Variants in SORCS1 observed in about 807,000 individuals in gnomAD.
SORCS1 encodes the protein VPS10 domain-containing receptor SorCS1.
In SORCS1, 60 loss-of-function variants were observed where a neutral mutation model predicts 146.1. The observed-to-expected ratio is 0.41, with a 90% CI of 0.33 to 0.51. SORCS1 has a LOEUF of 0.51. Among genes scored for constraint, SORCS1 ranks in the 20% least tolerant of loss-of-function variants. The pLI is 0.21. For missense variants in SORCS1, 1,352 were observed against 1,487.6 expected (o/e 0.91, Z 1.50); for synonymous variants, 637 against 584.0 (o/e 1.09, Z -1.31).
intron 24 of SORCS1, among the ~76,000 whole-genome samples, chr10:106,586,262 C>T (rs1318434934): frequency 6.6e-6 from 1 of 152,176 alleles, no homozygotes; most frequent in Non-Finnish European, 1.5e-5. Context: ...AAAGGGGGCG[C>T]TATTAAAGCT....
intron 6 of SORCS1, among the ~76,000 whole-genome samples, chr10:106,711,760 G>A (rs902777353): frequency 2.6e-5 from 4 of 152,138 alleles, no homozygotes; most frequent in Non-Finnish European, 5.9e-5. Flanking sequence ...TTTCACGTTA[G>A]AGCAGAACAC....
chr10:107,061,014 A>C (rs1961164455), intron 1 of SORCS1, among the ~76,000 whole-genome samples: 1 of 152,204 alleles, frequency 6.6e-6, no homozygotes, highest in Admixed American at 6.5e-5. Context: ...CTATGAGTAA[A>C]AAATAACAGT....
intron 3 of SORCS1, 33 bp from the exon 4 acceptor site, chr10:106,776,725 C>G (rs756632908): frequency 6.3e-7 from 1 of 1,588,094 alleles, no homozygotes; most frequent in East Asian, 2.3e-5. Flanking sequence ...AAAGAAACAA[C>G]AGAAAATTAA....
chr10:107,038,069 C>T (rs910575742), intron 1 of SORCS1, among the ~76,000 whole-genome samples: 5 of 152,046 alleles, frequency 3.3e-5, no homozygotes, highest in East Asian at 3.9e-4. Flanking sequence ...GTGATCTGCC[C>T]GCCTCAGCCT....
chr10:106,998,893 G>A (rs932741713), intron 1 of SORCS1, among the ~76,000 whole-genome samples: 1 of 152,192 alleles, frequency 6.6e-6, no homozygotes, highest in Non-Finnish European at 1.5e-5. Flanking sequence ...GCAAAGACAA[G>A]AAATGAGCAA....
In SORCS1 at chr10:106,663,945, A is replaced by G. The variant is rs192008339; in HGVS notation, c.2303+3744T>C. 7.9e-5 allele frequency among the ~76,000 whole-genome samples: 12 copies of G among 152,328 alleles called. No individual in the cohort carries two copies. The East Asian group carries it at 2.1e-3, about 27-fold the overall frequency. On this transcript the variant is annotated intron_variant, in intron 17 of 25. Coordinates refer to ENST00000263054, the MANE Select transcript of SORCS1 (RefSeq NM_052918.5). Reference sequence around the variant, plus strand: ...TCTTACTTATGAGAGCAGGACATTTACCATACCCGCTGATGGCTGGTATTT... The same window carrying G: ...TCTTACTTATGAGAGCAGGACATTTGCCATACCCGCTGATGGCTGGTATTT...
intron 3 of SORCS1, among the ~76,000 whole-genome samples, chr10:106,801,751 C>T (rs894384162): frequency 1.6e-4 from 24 of 152,206 alleles, no homozygotes; most frequent in Non-Finnish European, 1.6e-4. Context: ...AGGACGGTCT[C>T]GATCTCCTGA....
chr10:107,098,311 A>G (rs960018707), intron 1 of SORCS1, among the ~76,000 whole-genome samples: 1 of 152,198 alleles, frequency 6.6e-6, no homozygotes, highest in African/African-American at 2.4e-5. Flanking sequence ...CCAAACATCT[A>G]GCACATCACT....
chr10:106,732,646 A>T (rs1305568456), intron 5 of SORCS1, among the ~76,000 whole-genome samples: 2 of 152,244 alleles, frequency 1.3e-5, no homozygotes, highest in Non-Finnish European at 2.9e-5. Flanking sequence ...ATGCAAGCCT[A>T]TCTACTTGGC....
chr10:106,662,779 T>C (rs1376578341), intron 17 of SORCS1, among the ~76,000 whole-genome samples: 1 of 152,236 alleles, frequency 6.6e-6, no homozygotes, highest in African/African-American at 2.4e-5. Context: ...TTAATTTGGC[T>C]AAATCCTACT....
chr10:107,133,167 A>G (rs537412211), intron 1 of SORCS1, among the ~76,000 whole-genome samples: 1 of 152,342 alleles, frequency 6.6e-6, no homozygotes, highest in Admixed American at 6.5e-5. Flanking sequence ...AGGAATAAAT[A>G]GGAGCTTGAA....
At chr10:107,002,915 C>T (rs989367382) in intron 1 of SORCS1, among the ~76,000 whole-genome samples, 10 of 152,138 alleles carry the variant, frequency 6.6e-5, no homozygotes, top group Admixed American at 3.3e-4. Flanking sequence ...GACAGTCTTA[C>T]AGAAATCAGC....
intron 1 of SORCS1, among the ~76,000 whole-genome samples, chr10:106,989,680 G>GTTTTTTTTTTTTT (rs761689988): frequency 6.0e-4 from 42 of 70,366 alleles, no homozygotes; most frequent in African/African-American, 2.2e-3. Flanking sequence ...GTTTTTTTTT[G>GTTTTTTTTTTTTT]TTTTTTTTTT....
chr10:106,865,986 T>C (rs1034615875), intron 2 of SORCS1, among the ~76,000 whole-genome samples: 2 of 148,806 alleles, frequency 1.3e-5, no homozygotes, highest in African/African-American at 5.0e-5. Flanking sequence ...TGAGCTGAGA[T>C]CACGCCACTG....
chr10:106,904,443 A>G (rs1311667149), intron 2 of SORCS1, among the ~76,000 whole-genome samples: 2 of 152,226 alleles, frequency 1.3e-5, no homozygotes, highest in Non-Finnish European at 2.9e-5. Context: ...AGAGGAATGC[A>G]TGTAAGTACC....
intron 2 of SORCS1, among the ~76,000 whole-genome samples, chr10:106,857,985 C>T (rs1416102403): frequency 6.6e-6 from 1 of 152,158 alleles, no homozygotes; most frequent in Non-Finnish European, 1.5e-5. Flanking sequence ...AAATGTGCTG[C>T]CGAGACATTA....
intron 4 of SORCS1, among the ~76,000 whole-genome samples, chr10:106,776,294 T>A (rs1860425921): frequency 6.6e-6 from 1 of 152,148 alleles, no homozygotes; most frequent in Admixed American, 6.5e-5. Flanking sequence ...GAGAACTGCT[T>A]CTCCACCATG....
chr10:107,168,527 A>G (rs558137694), upstream of SORCS1, among the ~76,000 whole-genome samples: 97 of 152,314 alleles, frequency 6.4e-4, no homozygotes, highest in African/African-American at 2.1e-3. Flanking sequence ...TAAGTGCTCA[A>G]TAAATAATGG....
At chr10:107,135,774 T>A (rs1370930230) in intron 1 of SORCS1, among the ~76,000 whole-genome samples, 1 of 152,160 alleles carries the variant, frequency 6.6e-6, no homozygotes, top group Non-Finnish European at 1.5e-5. Context: ...GCCTGGCCAG[T>A]AGGAGACCCA....
Sources: gnomAD v4.1 joint callset for allele counts (sites outside exome capture counted in the v4.1 genomes callset) on GRCh38, gnomAD v4.1.1 for gene constraint, MANE v1.5 for transcripts, NCBI Gene and HGNC (gene_info 2026-07-23, HGNC 2026-07-21) for gene names.